NPHP1: variants seen among roughly 807,000 people sequenced by gnomAD.
NPHP1 encodes nephrocystin 1.
Under a neutral mutation model 90.4 loss-of-function variants are expected in NPHP1, and 70 were observed. The ratio of observed to expected loss-of-function variants is 0.77; its 90% CI spans 0.64 to 0.95. The LOEUF (loss-of-function observed/expected upper bound fraction) is 0.95, where lower values mean the gene tolerates loss of function less well. Ranked by LOEUF, NPHP1 falls within the 40% of genes least tolerant of loss-of-function variation. The pLI is 0.00. For synonymous variants in NPHP1, 256 were observed against 271.7 expected (o/e 0.94, Z 0.57); for missense variants, 764 against 795.9 (o/e 0.96, Z 0.48).
intron 6 of NPHP1, among the ~76,000 whole-genome samples, chr2:110,166,181 G>A (rs181408700): frequency 3.3e-4 from 50 of 152,254 alleles, no homozygotes; most frequent in African/African-American, 1.1e-3. Flanking sequence ...TTTCTAAAAG[G>A]CAAATTGGAA....
Position 110,178,477 on chromosome 2 carries a change from A to C in NPHP1, c.275T>G (p.Leu92Arg). 6.2e-7 allele frequency: 1 copy of C among 1,613,870 alleles called. No individual in the cohort carries two copies. The highest frequency in any genetic ancestry group is 8.5e-7 in the Non-Finnish European group (1 of 1,179,818). ...AGCAAGGCCCTGCAGTTGTTGGGTA[A>C]GCTTGTCCAAAAGAGTATGCTCCTC... ...KEEEHTLLDKLTQQLQGLAVT... is the reference protein window; with the variant it reads ...KEEEHTLLDKRTQQLQGLAVT... The change falls in exon 4 of 20, where the codon CTT (leucine) becomes CGT (arginine). Residue 92 changes from leucine to arginine, a missense_variant. Coordinates refer to ENST00000445609, the MANE Select transcript of NPHP1 (RefSeq NM_001128178.3).
intron 2 of NPHP1, among the ~76,000 whole-genome samples, chr2:110,193,282 C>G (rs1027703420): frequency 1.3e-5 from 2 of 152,026 alleles, no homozygotes; most frequent in African/African-American, 4.8e-5. Context: ...CAGAGACACA[C>G]ATAGGCTCAA....
rs1463588398 is a variant in NPHP1, at chr2:110,129,251, T to C, written c.1651A>G (p.Ser551Gly). Residue 551 changes from serine (S) to glycine (G), a missense_variant, in exon 18 of 20, where the codon AGC (serine) becomes GGC (glycine). Ser to Gly is a moderately conservative substitution (Grantham distance 56, BLOSUM62 0). Transcript: ENST00000445609. ...RMSLQSTDLI[S>G]HPMLATFPML... ...GGGAAGGTGGCCAGCATGGGATGGC[T>C]AATTAAATCTGAAATGCAAAACAAC... is the stretch of plus-strand genomic sequence containing the variant. 6.2e-7 allele frequency: 1 copy of C among 1,612,640 alleles called. No homozygotes were observed. Among genetic ancestry groups the C allele is most frequent in the South Asian group, 1.1e-5 (1 of 90,934 alleles).
intron 2 of NPHP1, 45 bp downstream of exon 2, chr2:110,201,376 G>T: frequency 8.3e-7 from 1 of 1,199,994 alleles, no homozygotes; most frequent in African/African-American, 1.5e-5. Flanking sequence ...GCATTGAAAT[G>T]TAAGTGCGGT....
intron 15 of NPHP1, chr2:110,143,903 C>T (rs764972828): frequency 4.2e-5 from 18 of 430,596 alleles, no homozygotes; most frequent in Admixed American, 1.5e-4. Flanking sequence ...CCAACTGCAT[C>T]CCAGACCCCA....
chr2:110,132,979 G>A (rs1208204193), intron 16 of NPHP1, among the ~76,000 whole-genome samples: 2 of 151,930 alleles, frequency 1.3e-5, no homozygotes, highest in Non-Finnish European at 2.9e-5. Flanking sequence ...AAATCAGTGA[G>A]GGAGGAAATT....
In NPHP1 at chr2:110,193,830, AC is replaced by A. The variant is rs1427780599; in HGVS notation, c.143+7590del. Among the ~76,000 whole-genome samples the A allele has an allele frequency of 3.9e-5, 6 of 152,190 alleles. No homozygotes were observed. The East Asian group carries it at 1.2e-3, about 29-fold the overall frequency. On this transcript the variant is annotated intron_variant, in intron 2 of 19. Coordinates refer to ENST00000445609, the MANE Select transcript of NPHP1 (RefSeq NM_001128178.3). ...GTCTCTCAGACCAAAGTGCAATCAA[AC>A]TAGAACTGAGGATTAAGAAACTCAC... is the stretch of plus-strand genomic sequence containing the variant.
chr2:110,147,256 G>A (rs1201349118), intron 13 of NPHP1, among the ~76,000 whole-genome samples: 1 of 151,876 alleles, frequency 6.6e-6, no homozygotes, highest in Non-Finnish European at 1.5e-5. Context: ...GTTGCTAGAG[G>A]CCCCTAAGGC....
At chr2:110,173,310 A>G (rs952836930) in intron 4 of NPHP1, among the ~76,000 whole-genome samples, 7 of 152,150 alleles carry the variant, frequency 4.6e-5, no homozygotes, top group Non-Finnish European at 8.8e-5. Flanking sequence ...GAAAATATAT[A>G]TATATTCTAC....
At chr2:110,184,919 G>A (rs906815) in intron 2 of NPHP1, 205,663 of 668,662 alleles carry the variant, frequency 0.31, 35,684 homozygotes, top group South Asian at 0.49. Flanking sequence ...CCTGGTGTTC[G>A]CCATCCAGAA....
chr2:110,163,415 G>T, intron 8 of NPHP1: 1 of 431,926 alleles, frequency 2.3e-6, no homozygotes, highest in Non-Finnish European at 4.3e-6. Flanking sequence ...CCCTGCTCCT[G>T]TCCTGCTCCA....
intron 16 of NPHP1, among the ~76,000 whole-genome samples, chr2:110,140,139 C>T (rs539192658): frequency 2.9e-4 from 44 of 152,068 alleles, no homozygotes; most frequent in African/African-American, 9.4e-4. Context: ...TCCCAACTCA[C>T]GTTTGAAATT....
In NPHP1 at chr2:110,170,072, A is replaced by G. The variant is rs1313943047; in HGVS notation, c.330-74T>C. On this transcript the variant is annotated intron_variant, in intron 4 of 19. Coordinates refer to ENST00000445609, the MANE Select transcript of NPHP1 (RefSeq NM_001128178.3). ...CAGACCAGCTATGAGTGTAACTTCT[A>G]CATATACATGAATATCCCATATTTG... is the stretch of plus-strand genomic sequence containing the variant. 5.7e-6 allele frequency: 9 copies of G among 1,566,368 alleles called. No individual in the cohort carries two copies. The East Asian group carries it at 1.6e-4, about 27-fold the overall frequency.
chr2:110,180,568 T>C (rs896164222), intron 2 of NPHP1, among the ~76,000 whole-genome samples: 9 of 148,600 alleles, frequency 6.1e-5, no homozygotes, highest in Non-Finnish European at 1.3e-4. Context: ...TCTATGGCAC[T>C]CACTGAGAGG....
intron 2 of NPHP1, among the ~76,000 whole-genome samples, chr2:110,198,802 T>C (rs1042996995): frequency 6.6e-6 from 1 of 152,024 alleles, no homozygotes; most frequent in Non-Finnish European, 1.5e-5. Context: ...AGGACCCCTC[T>C]CTATCTAACA....
chr2:110,164,758 C>T (rs375223752), intron 7 of NPHP1, 28 bp from the exon 8 acceptor site: 2 of 1,582,396 alleles, frequency 1.3e-6, no homozygotes, highest in East Asian at 4.5e-5. Flanking sequence ...CAAAGTGAGT[C>T]AGGTCAGGTT....
intron 4 of NPHP1, among the ~76,000 whole-genome samples, chr2:110,171,822 A>G (rs1318974419): frequency 1.3e-5 from 2 of 152,158 alleles, no homozygotes; most frequent in East Asian, 3.9e-4. Flanking sequence ...TTACTTGCTA[A>G]TATTTTATAC....
chr2:110,124,992 C>G, intron 19 of NPHP1: 1 of 451,730 alleles, frequency 2.2e-6, no homozygotes, highest in Admixed American at 3.9e-5. Context: ...ACTCTCACCT[C>G]TTTTCATAAA....
chr2:110,127,390 A>G (rs1314308535), intron 18 of NPHP1: 7 of 152,202 alleles, frequency 4.6e-5, no homozygotes, highest in African/African-American at 9.7e-5. Flanking sequence ...AAGAAGGCTC[A>G]TGGGTGTAGA....
Sources: allele counts gnomAD v4.1 joint callset (sites outside exome capture counted in the v4.1 genomes callset), GRCh38; gene constraint gnomAD v4.1.1; transcripts MANE v1.5; gene names NCBI Gene and HGNC (gene_info 2026-07-23, HGNC 2026-07-21).